The following ANO1 variants were observed in gnomAD, a reference collection of about 807,000 sequenced individuals.
ANO1 encodes anoctamin 1.
A neutral mutation model predicts 124.0 loss-of-function variants in ANO1; 59 were observed. The ratio of observed to expected loss-of-function variants is 0.48; its 90% CI spans 0.39 to 0.59. The LOEUF is 0.59. ANO1 is among the 20% of genes least tolerant of loss of function. The pLI is 0.00. For synonymous variants in ANO1, 529 were observed against 532.0 expected (o/e 0.99, Z 0.08); for missense variants, 1,059 against 1,328.0 (o/e 0.80, Z 3.15).
At chr11:69,988,393 A>G (rs1565154852) in intron 1 of ANO1, among the ~76,000 whole-genome samples, 1 of 152,236 alleles carries the variant, frequency 6.6e-6, no homozygotes, top group African/African-American at 2.4e-5. Context: ...TAACCACTCT[A>G]TGCCTTATCT....
In ANO1 at chr11:70,011,206, T is replaced by TGG. The variant is rs1555001070; in HGVS notation, c.58+25043_58+25044dup. 6.6e-5 allele frequency among the ~76,000 whole-genome samples: 10 copies of TGG among 152,174 alleles called. No homozygotes were observed. In the East Asian group the frequency reaches 1.7e-3, roughly 26 times the overall value. On this transcript the variant is annotated intron_variant, in intron 1 of 27. Transcript: ENST00000531349. ...AGAGGGAACAGCGTGTGCAATGGCC[T>TGG]GGGGTCGGGGAGTGGAGAGCAGGGT...
At chr11:70,175,575 G>C (rs2048661648) in intron 22 of ANO1, among the ~76,000 whole-genome samples, 1 of 152,210 alleles carries the variant, frequency 6.6e-6, no homozygotes, top group South Asian at 2.1e-4. Context: ...ATCTGCTCCA[G>C]GTCCCTAGCC....
chr11:70,165,812 G>A (rs1468330020), intron 20 of ANO1, among the ~76,000 whole-genome samples: 1 of 151,878 alleles, frequency 6.6e-6, no homozygotes, highest in Non-Finnish European at 1.5e-5. Context: ...TTTGAGCCTA[G>A]GAAATCAAGA....
intron 7 of ANO1, among the ~76,000 whole-genome samples, chr11:70,113,009 C>T (rs1372067723): frequency 6.6e-6 from 1 of 152,186 alleles, no homozygotes; most frequent in African/African-American, 2.4e-5. Context: ...CGTCGCCTCC[C>T]TGTCAGGGCC....
At chr11:70,010,873 G>A (rs185639006) in intron 1 of ANO1, among the ~76,000 whole-genome samples, 84 of 152,284 alleles carry the variant, frequency 5.5e-4, no homozygotes, top group African/African-American at 2.0e-3. Flanking sequence ...CTTCTCTGTT[G>A]TCCATAAGAC....
chr11:70,178,933 C>A (rs573437501), intron 22 of ANO1, among the ~76,000 whole-genome samples: 2 of 152,346 alleles, frequency 1.3e-5, no homozygotes, highest in Admixed American at 6.5e-5. Context: ...TGGCTGGGGC[C>A]AGGGAGCAAG....
chr11:70,179,417 A>G (rs1181885265), intron 22 of ANO1, among the ~76,000 whole-genome samples: 1 of 152,134 alleles, frequency 6.6e-6, no homozygotes, highest in Non-Finnish European at 1.5e-5. Flanking sequence ...ACGAATGGAG[A>G]GACCAGCATG....
chr11:70,088,916 G>A (rs764615887), intron 2 of ANO1, among the ~76,000 whole-genome samples: 52 of 152,192 alleles, frequency 3.4e-4, no homozygotes, highest in Non-Finnish European at 6.6e-4. Context: ...CAAAGCCTAC[G>A]AATCTTCCTA....
chr11:70,115,225 G>A (rs748997715), intron 7 of ANO1, among the ~76,000 whole-genome samples: 1 of 152,190 alleles, frequency 6.6e-6, no homozygotes, highest in Non-Finnish European at 1.5e-5. Context: ...CCTGGCAGGG[G>A]TTAGAAGGGG....
At chr11:70,155,667 C>T (rs897164541) in intron 14 of ANO1, among the ~76,000 whole-genome samples, 4 of 152,222 alleles carry the variant, frequency 2.6e-5, no homozygotes, top group East Asian at 1.9e-4. Context: ...GTGGAGGGTG[C>T]GTGCTGGAGT....
chr11:69,966,121 G>C, the ANO1 span, among the ~76,000 whole-genome samples: 2 of 152,214 alleles, frequency 1.3e-5, no homozygotes, highest in South Asian at 2.1e-4. Flanking sequence ...GAGGCACTCA[G>C]GGTGGCCCCG....
intron 1 of ANO1, among the ~76,000 whole-genome samples, chr11:70,034,515 A>G (rs1384012662): frequency 1.3e-5 from 2 of 152,200 alleles, no homozygotes; most frequent in African/African-American, 2.4e-5. Context: ...GTAAAAAACC[A>G]ACAAAAATTA....
intron 16 of ANO1, among the ~76,000 whole-genome samples, chr11:70,158,433 C>G (rs1342839077): frequency 6.6e-6 from 1 of 152,364 alleles, no homozygotes; most frequent in Middle Eastern, 3.4e-3. Context: ...CTCACCAGAG[C>G]GTCTCATCAC....
chr11:70,075,754 C>T (rs1555009941), upstream of ANO1, among the ~76,000 whole-genome samples: 1 of 152,196 alleles, frequency 6.6e-6, no homozygotes, highest in African/African-American at 2.4e-5. Context: ...CACGTATAAG[C>T]AGTTAGTGAC....
intron 1 of ANO1, among the ~76,000 whole-genome samples, chr11:70,010,179 G>GTGTGTGTGTGTATATATATATATATATA: frequency 3.5e-4 from 29 of 83,798 alleles, no homozygotes; most frequent in Non-Finnish European, 6.0e-4. Flanking sequence ...GTGTGTGTGT[G>GTGTGTGTGTGTATATATATATATATATA]TATATATATA....
chr11:70,012,526 C>CCATTGTTCCATCCATCCATG lies in ANO1; in HGVS notation c.58+26372_58+26373insCATCCATGCATTGTTCCATC, dbSNP rs1164820557. Among the ~76,000 whole-genome samples the CCATTGTTCCATCCATCCATG allele has an allele frequency of 6.1e-3, 925 of 152,102 alleles. 9 individuals are homozygous for CCATTGTTCCATCCATCCATG. The highest frequency in any genetic ancestry group is 0.021 in the African/African-American group (872 of 41,442). On this transcript the variant is annotated intron_variant, in intron 1 of 27. Coordinates refer to the ANO1 transcript ENST00000531349. ...TCCATTCTTTCATCCATCCATCCAT[C>CCATTGTTCCATCCATCCATG]CATTGTTCCATCTATCTATCCATCC...
intron 1 of ANO1, among the ~76,000 whole-genome samples, chr11:70,024,529 G>T (rs1417502725): frequency 3.3e-5 from 5 of 152,186 alleles, no homozygotes; most frequent in Non-Finnish European, 7.3e-5. Flanking sequence ...TCTTATGCCA[G>T]TGATGGGCTT....
chr11:70,091,582 G>A (rs925938836), intron 2 of ANO1, among the ~76,000 whole-genome samples: 1 of 152,176 alleles, frequency 6.6e-6, no homozygotes, highest in Non-Finnish European at 1.5e-5. Flanking sequence ...GGCAGAGGGA[G>A]AAGAGGACAT....
At chr11:69,978,887 C>T in the ANO1 span, among the ~76,000 whole-genome samples, 8 of 152,196 alleles carry the variant, frequency 5.3e-5, no homozygotes, top group Admixed American at 1.3e-4. Flanking sequence ...ATTTAGAGTT[C>T]GTAATCTCAA....
Sources: allele counts gnomAD v4.1 joint callset (sites outside exome capture counted in the v4.1 genomes callset), GRCh38; gene constraint gnomAD v4.1.1; transcripts MANE v1.5; gene names NCBI Gene and HGNC (gene_info 2026-07-23, HGNC 2026-07-21).